The following HCRTR2 variants were observed in gnomAD, a reference collection of about 807,000 sequenced individuals.
The protein encoded by HCRTR2 is hypocretin receptor 2.
A neutral mutation model predicts 49.0 loss-of-function variants in HCRTR2; 22 were observed. The observed-to-expected ratio is 0.45, with a 90% confidence interval of 0.32 to 0.64. The LOEUF is 0.64. Among genes scored for constraint, HCRTR2 ranks in the 30% least tolerant of loss-of-function variants. The probability of loss-of-function intolerance (pLI) is 0.04; values close to 1 mark genes in which losing one functional copy is unlikely to be tolerated. For synonymous variants in HCRTR2, 236 were observed against 205.3 expected, an observed-to-expected ratio of 1.15 and a Z score of -1.28; for missense variants, 491 against 559.4, an observed-to-expected ratio of 0.88 and a Z score of 1.23.
chr6:55,183,230 A>G (rs1212356209), intron 1 of HCRTR2, among the ~76,000 whole-genome samples: 1 of 152,224 alleles, frequency 6.6e-6, no homozygotes, highest in East Asian at 1.9e-4. Flanking sequence ...AAGGACACTT[A>G]GCTCTGCTGG....
intron 2 of HCRTR2, among the ~76,000 whole-genome samples, chr6:55,250,867 A>G (rs773858215): frequency 3.8e-4 from 58 of 152,130 alleles, no homozygotes; most frequent in Non-Finnish European, 4.4e-4. Flanking sequence ...AGAGCAAGGG[A>G]AAAAACTACT....
chr6:55,116,673 C>T (rs1445419675), intron 1 of HCRTR2, among the ~76,000 whole-genome samples: 1 of 120,222 alleles, frequency 8.3e-6, no homozygotes, highest in Admixed American at 9.4e-5. Flanking sequence ...ATGATTGTAT[C>T]AAAAATAGTG....
At chr6:55,238,146 A>T (rs191241583) in intron 1 of HCRTR2, among the ~76,000 whole-genome samples, 1 of 152,176 alleles carries the variant, frequency 6.6e-6, no homozygotes, top group African/African-American at 2.4e-5. Flanking sequence ...CTCATCTTCT[A>T]TCTACTCTTA....
At chr6:55,144,032 T>C (rs1764544500) in intron 1 of HCRTR2, among the ~76,000 whole-genome samples, 1 of 151,452 alleles carries the variant, frequency 6.6e-6, no homozygotes, top group Non-Finnish European at 1.5e-5. Context: ...CAGAGCTTGA[T>C]AGCGATGCAT....
intron 1 of HCRTR2, among the ~76,000 whole-genome samples, chr6:55,110,749 A>G (rs1326920780): frequency 6.6e-6 from 1 of 152,102 alleles, no homozygotes; most frequent in African/African-American, 2.4e-5. Flanking sequence ...AGTAAACCTA[A>G]GAAATGAGAT....
intron 1 of HCRTR2, among the ~76,000 whole-genome samples, chr6:55,206,097 A>G (rs1314924519): frequency 6.6e-6 from 1 of 152,154 alleles, no homozygotes; most frequent in East Asian, 1.9e-4. Context: ...CCAATTAAAT[A>G]TTTAATCAGA....
At chr6:55,215,707 A>G (rs1470503024) in intron 1 of HCRTR2, among the ~76,000 whole-genome samples, 1 of 152,230 alleles carries the variant, frequency 6.6e-6, no homozygotes, top group Non-Finnish European at 1.5e-5. Flanking sequence ...CAAAGTGTAG[A>G]GTTTTAAATA....
At chr6:55,139,417 TG>T (rs1321426812) in intron 1 of HCRTR2, among the ~76,000 whole-genome samples, 2 of 146,342 alleles carry the variant, frequency 1.4e-5, no homozygotes, top group Non-Finnish European at 3.1e-5. Context: ...ATTCAATTAT[TG>T]GTATTTATGG....
intron 2 of HCRTR2, among the ~76,000 whole-genome samples, chr6:55,253,231 C>G (rs1766587998): frequency 6.6e-6 from 1 of 151,854 alleles, no homozygotes; most frequent in Admixed American, 6.6e-5. Context: ...ACACACAACA[C>G]ACAACACACA....
chr6:55,208,319 T>TAAAAATAA (rs1562007245), intron 1 of HCRTR2, among the ~76,000 whole-genome samples: 3 of 126,710 alleles, frequency 2.4e-5, no homozygotes, highest in Non-Finnish European at 3.3e-5. Flanking sequence ...CTACGAAAAA[T>TAAAAATAA]AAAAAAATAA....
chr6:55,187,742 T>C (rs546844297), intron 1 of HCRTR2, among the ~76,000 whole-genome samples: 1 of 149,712 alleles, frequency 6.7e-6, no homozygotes, highest in African/African-American at 2.5e-5. Context: ...GCTGCTATTG[T>C]GTTAGTTGTC....
At chr6:55,193,044 T>A (rs1765347940) in intron 1 of HCRTR2, among the ~76,000 whole-genome samples, 1 of 152,222 alleles carries the variant, frequency 6.6e-6, no homozygotes, top group Non-Finnish European at 1.5e-5. Context: ...GGGGGTGTCC[T>A]ACTATTGAAT....
chr6:55,280,499 C>T, intron 6 of HCRTR2, 55 bp downstream of exon 6: 1 of 1,605,272 alleles, frequency 6.2e-7, no homozygotes, highest in East Asian at 2.2e-5. Context: ...GATGAGGAAT[C>T]AATGAACACT....
At chr6:55,243,421 A>G (rs1302424327) in intron 1 of HCRTR2, among the ~76,000 whole-genome samples, 1 of 152,196 alleles carries the variant, frequency 6.6e-6, no homozygotes, top group Non-Finnish European at 1.5e-5. Flanking sequence ...ATCAGAGGAC[A>G]CAGTACATGG....
chr6:55,145,445 C>T lies in HCRTR2; in HGVS notation c.-377-28766C>T, dbSNP rs370143705. Among the ~76,000 whole-genome samples the T allele has an allele frequency of 7.9e-4, 115 of 145,188 alleles. 3 individuals are homozygous for T. The South Asian group carries it at 0.02, about 25-fold the overall frequency. On this transcript the variant is annotated intron_variant, in intron 1 of 7. Coordinates refer to the HCRTR2 transcript ENST00000615358. ...TTTTTTTTTGAGACGGATTCTTGCT[C>T]AGTCGCCTAGGCTGGAGTGCAGTGG... is the stretch of plus-strand genomic sequence containing the variant.
intron 4 of HCRTR2, among the ~76,000 whole-genome samples, chr6:55,276,584 A>G (rs1767080614): frequency 1.3e-5 from 2 of 152,228 alleles, no homozygotes; most frequent in African/African-American, 4.8e-5. Context: ...ACTAAACCCT[A>G]TCAATCTTCA....
chr6:55,200,011 A>G (rs951877072), intron 1 of HCRTR2, among the ~76,000 whole-genome samples: 2 of 152,216 alleles, frequency 1.3e-5, no homozygotes, highest in Non-Finnish European at 2.9e-5. Context: ...GGTGCTGGGT[A>G]GACCCAGCTT....
intron 1 of HCRTR2, among the ~76,000 whole-genome samples, chr6:55,147,553 T>G (rs1409460578): frequency 6.6e-6 from 1 of 152,144 alleles, no homozygotes; most frequent in Non-Finnish European, 1.5e-5. Context: ...GTATTTTGGC[T>G]AAGTGACACA....
intron 4 of HCRTR2, among the ~76,000 whole-genome samples, chr6:55,270,262 AATAG>A (rs1480161944): frequency 1.3e-5 from 2 of 152,236 alleles, no homozygotes; most frequent in Non-Finnish European, 2.9e-5. Flanking sequence ...AAATCAATTA[AATAG>A]ATAATGTTCC....
Sources: gnomAD v4.1 joint callset for allele counts (sites outside exome capture counted in the v4.1 genomes callset) on GRCh38, gnomAD v4.1.1 for gene constraint, MANE v1.5 for transcripts, NCBI Gene and HGNC (gene_info 2026-07-23, HGNC 2026-07-21) for gene names.